NWD2: variants seen among roughly 807,000 people sequenced by gnomAD.
NWD2 encodes NACHT and WD repeat domain-containing protein 2.
In NWD2, 37 loss-of-function variants were observed where a neutral mutation model predicts 132.7. That is an observed-to-expected ratio of 0.28 (90% CI 0.21 to 0.37). NWD2 has a LOEUF of 0.37. Among genes scored for constraint, NWD2 ranks in the 10% least tolerant of loss-of-function variants. The pLI, the probability that NWD2 is intolerant of heterozygous loss-of-function variation, is 1.00. For synonymous variants in NWD2, 705 were observed against 803.0 expected, an observed-to-expected ratio of 0.88 and a Z score of 2.06; for missense variants, 1,592 against 2,122.4, an observed-to-expected ratio of 0.75 and a Z score of 4.91.
At position 37,448,319 on chromosome 4, in the gene NWD2, A is replaced by G. The variant is rs1301680622; in HGVS notation, c.*1102A>G. The G allele has an allele frequency of 6.6e-6, 1 of 152,170 alleles. No individual in the cohort carries two copies. Among genetic ancestry groups the G allele is most frequent in the East Asian group, 1.9e-4 (1 of 5,196 alleles). 9.4% of individuals were successfully genotyped at this position (152,170 alleles called of 1,614,324 possible). A position where few individuals can be genotyped will look rare whatever the true frequency, so the allele number is the denominator to read the frequency against. ...ATTCCATAAATCTTAAGGGTGTCCA[A>G]AAGTTCTTTATTGTCCTTGTTTGTA... On this transcript the variant is annotated 3_prime_UTR_variant, in exon 7 of 7. Coordinates refer to ENST00000309447, the MANE Select transcript of NWD2 (RefSeq NM_001144990.2).
intron 1 of NWD2, among the ~76,000 whole-genome samples, chr4:37,261,998 T>C (rs1717646948): frequency 6.6e-6 from 1 of 152,202 alleles, no homozygotes; most frequent in South Asian, 2.1e-4. Flanking sequence ...AGCAAGGTCA[T>C]TGTACTGGAA....
At chr4:37,396,130 C>A (rs1029607227) in intron 3 of NWD2, among the ~76,000 whole-genome samples, 5 of 152,174 alleles carry the variant, frequency 3.3e-5, no homozygotes, top group African/African-American at 9.7e-5. Flanking sequence ...GTCTTGCATG[C>A]CATCATGACT....
At chr4:37,266,840 G>A (rs80219320) in intron 1 of NWD2, among the ~76,000 whole-genome samples, 6,279 of 151,844 alleles carry the variant, frequency 0.041, 173 homozygotes, top group East Asian at 0.11. Flanking sequence ...ACCTTATTCT[G>A]TGCAATACTC....
At chr4:37,405,421 TAATAGAATAGAATAG>T (rs36213513) in intron 3 of NWD2, among the ~76,000 whole-genome samples, 19,783 of 141,196 alleles carry the variant, frequency 0.14, 1,505 homozygotes, top group Middle Eastern at 0.2. Context: ...TAGTTGAATG[TAATAGAATAGAATAG>T]AATAGAATAG....
intron 2 of NWD2, among the ~76,000 whole-genome samples, chr4:37,341,062 G>T (rs752670126): frequency 6.6e-6 from 1 of 152,162 alleles, no homozygotes; most frequent in Non-Finnish European, 1.5e-5. Context: ...TTTGACTTAC[G>T]ATTTCTTGAC....
chr4:37,304,272 A>G (rs897827268), intron 1 of NWD2, among the ~76,000 whole-genome samples: 5 of 152,142 alleles, frequency 3.3e-5, no homozygotes, highest in African/African-American at 4.8e-5. Flanking sequence ...CCATTATTCA[A>G]TCACCTTCCA....
chr4:37,375,748 T>C (rs769023349), intron 3 of NWD2, among the ~76,000 whole-genome samples: 7 of 152,086 alleles, frequency 4.6e-5, no homozygotes, highest in Non-Finnish European at 5.9e-5. Flanking sequence ...TATGTATTTT[T>C]AGTAGAGACG....
At chr4:37,293,801 G>T (rs984449318) in intron 1 of NWD2, among the ~76,000 whole-genome samples, 5 of 151,794 alleles carry the variant, frequency 3.3e-5, no homozygotes, top group Admixed American at 1.3e-4. Flanking sequence ...TATGCCTTCA[G>T]CTATTGTTAT....
intron 2 of NWD2, among the ~76,000 whole-genome samples, chr4:37,353,700 A>C (rs899084323): frequency 6.6e-6 from 1 of 151,818 alleles, no homozygotes; most frequent in Non-Finnish European, 1.5e-5. Context: ...CCATCAGGTC[A>C]TTTATGTTCT....
At chr4:37,398,526 G>C (rs1346133124) in intron 3 of NWD2, among the ~76,000 whole-genome samples, 1 of 152,074 alleles carries the variant, frequency 6.6e-6, no homozygotes, top group African/African-American at 2.4e-5. Flanking sequence ...CTACATGCCG[G>C]GTTCATAGGT....
rs76875975 is a variant in NWD2 at position 37,264,261 on chromosome 4, T to C, written c.151+19043T>C. ...TTTGAGTGGCTTTCTGAAGGTTAAA[T>C]AGCTGGAATAAAACTCATATATCCC... is the stretch of plus-strand genomic sequence containing the variant. On this transcript the variant is annotated intron_variant, in intron 1 of 6. Coordinates refer to ENST00000309447, the MANE Select transcript of NWD2 (RefSeq NM_001144990.2). Among the ~76,000 whole-genome samples the C allele has an allele frequency of 3.3e-3, 500 of 152,308 alleles. 4 individuals are homozygous for C. The highest frequency in any genetic ancestry group is 0.011 in the African/African-American group (462 of 41,570).
At chr4:37,428,434 C>A (rs765545004) in intron 3 of NWD2, among the ~76,000 whole-genome samples, 1 of 152,110 alleles carries the variant, frequency 6.6e-6, no homozygotes, top group Non-Finnish European at 1.5e-5. Context: ...CTTTGTGTTC[C>A]CTCCTTATTT....
chr4:37,417,350 C>CAA (rs141952941), intron 3 of NWD2, among the ~76,000 whole-genome samples: 7 of 149,672 alleles, frequency 4.7e-5, no homozygotes, highest in African/African-American at 1.2e-4. Context: ...AGAGCCATTG[C>CAA]AAAAAAAATG....
intron 6 of NWD2, among the ~76,000 whole-genome samples, chr4:37,440,697 G>C (rs952252242): frequency 1.3e-5 from 2 of 152,180 alleles, no homozygotes; most frequent in African/African-American, 4.8e-5. Context: ...TCTGTTAACA[G>C]TAGCAAAACT....
At chr4:37,406,818 C>T (rs1417057549) in intron 3 of NWD2, among the ~76,000 whole-genome samples, 1 of 152,138 alleles carries the variant, frequency 6.6e-6, no homozygotes. Context: ...ATTGTTTGAA[C>T]CCAGGAGGCA....
chr4:37,293,288 A>T (rs1242608035), intron 1 of NWD2, among the ~76,000 whole-genome samples: 1 of 152,112 alleles, frequency 6.6e-6, no homozygotes, highest in Non-Finnish European at 1.5e-5. Context: ...TATTTGTGTC[A>T]TTGTCTATTT....
intron 1 of NWD2, among the ~76,000 whole-genome samples, chr4:37,296,678 C>G (rs1718501760): frequency 6.6e-6 from 1 of 152,000 alleles, no homozygotes; most frequent in Non-Finnish European, 1.5e-5. Context: ...ATAGACCTTA[C>G]AGACTCAGGA....
At chr4:37,302,755 T>G (rs1718634506) in intron 1 of NWD2, among the ~76,000 whole-genome samples, 1 of 152,166 alleles carries the variant, frequency 6.6e-6, no homozygotes, top group African/African-American at 2.4e-5. Flanking sequence ...ACCATTTATA[T>G]ATCTTCTTTT....
At chr4:37,260,192 C>T (rs893410813) in intron 1 of NWD2, among the ~76,000 whole-genome samples, 2 of 152,066 alleles carry the variant, frequency 1.3e-5, no homozygotes, top group Non-Finnish European at 2.9e-5. Flanking sequence ...ACGTTCTTGT[C>T]CTTGAGATAA....
Sources: allele counts gnomAD v4.1 joint callset (sites outside exome capture counted in the v4.1 genomes callset), GRCh38; gene constraint gnomAD v4.1.1; transcripts MANE v1.5; gene names NCBI Gene and HGNC (gene_info 2026-07-23, HGNC 2026-07-21).